The following KIZ variants were observed in gnomAD, a reference collection of about 807,000 sequenced individuals.
KIZ encodes centrosomal protein kizuna.
A neutral mutation model predicts 79.6 loss-of-function variants in KIZ; 68 were observed. That is an observed-to-expected ratio of 0.85 (90% CI 0.70 to 1.05). The LOEUF is 1.05. KIZ is among the 50% of genes least tolerant of loss of function. The probability of loss-of-function intolerance (pLI) is 0.00; values close to 1 mark genes in which losing one functional copy is unlikely to be tolerated. For synonymous variants in KIZ, 280 were observed against 281.8 expected (o/e 0.99, Z 0.06); for missense variants, 797 against 800.4 (o/e 1.00, Z 0.05).
At chr20:21,224,324 C>T (rs994787515) in intron 9 of KIZ, among the ~76,000 whole-genome samples, 8 of 152,206 alleles carry the variant, frequency 5.3e-5, no homozygotes, top group African/African-American at 1.9e-4. Context: ...TTTCTGGATT[C>T]TCAGTGATAA....
At chr20:21,166,267 A>C (rs879745213) in intron 6 of KIZ, 1 of 1,599,276 alleles carries the variant, frequency 6.3e-7, no homozygotes, top group African/African-American at 1.3e-5. Context: ...TTCATGGTCC[A>C]TGATGCCAGC....
chr20:21,141,856 GTC>G (rs888263434), intron 3 of KIZ, among the ~76,000 whole-genome samples: 2 of 143,416 alleles, frequency 1.4e-5, no homozygotes, highest in South Asian at 2.2e-4. Flanking sequence ...CTCTGTGTTT[GTC>G]TCTCTCACAC....
intron 6 of KIZ, among the ~76,000 whole-genome samples, chr20:21,165,365 G>A (rs926176539): frequency 2.6e-5 from 4 of 152,168 alleles, no homozygotes; most frequent in Non-Finnish European, 5.9e-5. Flanking sequence ...AGAGGACATG[G>A]GAGGGGCAGA....
At chr20:21,135,792 C>T (rs1387150643) in intron 2 of KIZ, among the ~76,000 whole-genome samples, 1 of 151,964 alleles carries the variant, frequency 6.6e-6, no homozygotes, top group Non-Finnish European at 1.5e-5. Flanking sequence ...TGCTATTATA[C>T]TTTGGATAAG....
chr20:21,138,579 A>G (rs1278248830), intron 3 of KIZ, among the ~76,000 whole-genome samples: 3 of 152,204 alleles, frequency 2.0e-5, no homozygotes, highest in Non-Finnish European at 4.4e-5. Flanking sequence ...TTCCAACTGC[A>G]TCCCATCAGG....
intron 12 of KIZ, 154 bp from the exon 13 acceptor site, chr20:21,246,325 T>C: frequency 1.6e-6 from 1 of 634,786 alleles, no homozygotes. Flanking sequence ...TGACATGCAT[T>C]TGGGTGTGTC....
intron 4 of KIZ, among the ~76,000 whole-genome samples, chr20:21,154,443 TCA>T (rs1448960004): frequency 3.9e-5 from 6 of 152,334 alleles, no homozygotes; most frequent in African/African-American, 1.4e-4. Flanking sequence ...ATAAATATTT[TCA>T]GTCATGTTCA....
intron 4 of KIZ, among the ~76,000 whole-genome samples, chr20:21,155,200 T>A (rs2033316733): frequency 6.6e-6 from 1 of 152,170 alleles, no homozygotes; most frequent in East Asian, 1.9e-4. Context: ...TGTACAAGAT[T>A]GGACACCAAA....
intron 3 of KIZ, among the ~76,000 whole-genome samples, chr20:21,140,052 C>T (rs2122428169): frequency 6.6e-6 from 1 of 152,270 alleles, no homozygotes; most frequent in South Asian, 2.1e-4. Flanking sequence ...CTCCAGTGAT[C>T]CCATCTTCTT....
At chr20:21,153,319 G>A (rs1054194864) in intron 4 of KIZ, among the ~76,000 whole-genome samples, 32 of 152,118 alleles carry the variant, frequency 2.1e-4, no homozygotes, top group African/African-American at 7.5e-4. Context: ...TGGTGTGGGG[G>A]TAGGGAGACT....
Position 21,198,836 on chromosome 20 carries a change from C to G in KIZ, c.1353-6655C>G, listed in dbSNP as rs970850675. On this transcript the variant is annotated intron_variant, in intron 6 of 12. Coordinates refer to ENST00000619189, the MANE Select transcript of KIZ (RefSeq NM_018474.6). ...CAGTAAAGGGCAATGCCAGAAAACC[C>G]TCTTTCAGTTTTTATCCTGCAGAAT... 2.0e-5 allele frequency: 3 copies of G among 152,716 alleles called. No homozygotes were observed. The East Asian group carries it at 5.8e-4, about 29-fold the overall frequency. 9.5% of individuals were successfully genotyped at this position (152,716 alleles called of 1,614,324 possible). A position where few individuals can be genotyped will look rare whatever the true frequency, so the allele number is the denominator to read the frequency against.
At chr20:21,161,028 A>G (rs1403038265) in intron 4 of KIZ, 1 of 152,258 alleles carries the variant, frequency 6.6e-6, no homozygotes, top group East Asian at 1.9e-4. Flanking sequence ...GACAGCCATC[A>G]TAGTGGGTAA....
chr20:21,184,901 G>A (rs557820281), intron 6 of KIZ, among the ~76,000 whole-genome samples: 1 of 152,250 alleles, frequency 6.6e-6, no homozygotes, highest in Admixed American at 6.5e-5. Flanking sequence ...AAGTTAGTCA[G>A]GCATGATGGT....
intron 11 of KIZ, among the ~76,000 whole-genome samples, chr20:21,239,562 C>T (rs1487136870): frequency 6.6e-6 from 1 of 152,158 alleles, no homozygotes; most frequent in African/African-American, 2.4e-5. Context: ...TATTCTGTGT[C>T]TCATTTTTGT....
chr20:21,204,276 C>T (rs1339169283), intron 6 of KIZ, among the ~76,000 whole-genome samples: 4 of 150,484 alleles, frequency 2.7e-5, no homozygotes, highest in Middle Eastern at 3.4e-3. Flanking sequence ...CCACTACGCC[C>T]GGCTAATTTT....
At chr20:21,179,503 TTTTG>T (rs1439569713) in intron 6 of KIZ, among the ~76,000 whole-genome samples, 2 of 151,918 alleles carry the variant, frequency 1.3e-5, no homozygotes, top group Non-Finnish European at 2.9e-5. Context: ...GGTTTGTCAA[TTTTG>T]TTTATTTTTT....
intron 11 of KIZ, among the ~76,000 whole-genome samples, chr20:21,241,448 G>A (rs2037212678): frequency 6.6e-6 from 1 of 152,212 alleles, no homozygotes; most frequent in African/African-American, 2.4e-5. Flanking sequence ...TCTGAAACAT[G>A]TTTCCTGTGA....
chr20:21,186,714 G>A (rs2122980383), intron 6 of KIZ, among the ~76,000 whole-genome samples: 1 of 151,952 alleles, frequency 6.6e-6, no homozygotes, highest in Non-Finnish European at 1.5e-5. Context: ...AAATATATCT[G>A]AGAATCACTA....
intron 6 of KIZ, among the ~76,000 whole-genome samples, chr20:21,179,548 T>C (rs934559821): frequency 2.6e-5 from 4 of 152,030 alleles, no homozygotes; most frequent in Non-Finnish European, 4.4e-5. Context: ...TGATTTTTTT[T>C]CCTATTTTTT....
Sources: allele counts gnomAD v4.1 joint callset (sites outside exome capture counted in the v4.1 genomes callset), GRCh38; gene constraint gnomAD v4.1.1; transcripts MANE v1.5; gene names NCBI Gene and HGNC (gene_info 2026-07-23, HGNC 2026-07-21).